DPYS: variants seen among roughly 807,000 people sequenced by gnomAD.
DPYS encodes dihydropyrimidinase.
In DPYS, 39 loss-of-function variants were observed where a neutral mutation model predicts 50.3. That is an observed-to-expected ratio of 0.78 (90% CI 0.60 to 1.01). The LOEUF (loss-of-function observed/expected upper bound fraction) is 1.01. Ranked by LOEUF, DPYS falls within the 50% of genes least tolerant of loss-of-function variation. DPYS has a pLI of 0.00. For missense variants in DPYS, 659 were observed against 680.9 expected (o/e 0.97, Z 0.36); for synonymous variants, 245 against 250.7 (o/e 0.98, Z 0.22).
chr8:104,461,851 A>C (rs1814183917), intron 1 of DPYS, among the ~76,000 whole-genome samples: 1 of 152,154 alleles, frequency 6.6e-6, no homozygotes. Context: ...CACATTCTCC[A>C]GTGGTATTTA....
At chr8:104,401,202 T>A (rs1811793177) in intron 7 of DPYS, among the ~76,000 whole-genome samples, 1 of 152,188 alleles carries the variant, frequency 6.6e-6, no homozygotes, top group Non-Finnish European at 1.5e-5. Flanking sequence ...TTTAAAAATA[T>A]ACCTCATCTC....
At chr8:104,422,837 G>A (rs562639097) in intron 7 of DPYS, among the ~76,000 whole-genome samples, 190 of 152,284 alleles carry the variant, frequency 1.2e-3, no homozygotes, top group South Asian at 2.7e-3. Flanking sequence ...GCAGGCCCCT[G>A]CTGGGTGTAC....
intron 6 of DPYS, among the ~76,000 whole-genome samples, chr8:104,424,851 A>G (rs925738953): frequency 5.3e-4 from 78 of 146,518 alleles, no homozygotes; most frequent in Middle Eastern, 3.5e-3. Flanking sequence ...TTTGAGATGG[A>G]ATTTCACTCT....
intron 7 of DPYS, among the ~76,000 whole-genome samples, chr8:104,415,622 A>G (rs538874728): frequency 1.3e-5 from 2 of 152,220 alleles, no homozygotes; most frequent in South Asian, 4.2e-4. Flanking sequence ...GAAGGCCACA[A>G]AATGAATCTT....
At chr8:104,458,110 C>T (rs765392858) in intron 1 of DPYS, among the ~76,000 whole-genome samples, 4 of 152,102 alleles carry the variant, frequency 2.6e-5, no homozygotes, top group Non-Finnish European at 2.9e-5. Flanking sequence ...TGTGAGCAAC[C>T]GGAGTTCAGT....
chr8:104,411,426 G>A (rs756635903), intron 7 of DPYS, among the ~76,000 whole-genome samples: 2 of 152,188 alleles, frequency 1.3e-5, no homozygotes, highest in Non-Finnish European at 2.9e-5. Flanking sequence ...TGCCTGGTAG[G>A]AGGACAGAAC....
rs1446716511 is a variant in DPYS at position 104,379,796 on chromosome 8, G to A, written c.*62C>T. 1 of 456,602 alleles carries A rather than the reference G, an allele frequency of 2.2e-6. No individual in the cohort carries two copies. The highest frequency in any genetic ancestry group is 4.4e-6 in the Non-Finnish European group (1 of 226,952). The allele number at this position is 456,602 out of a possible 1,614,324, so 28.3% of individuals were successfully genotyped here. A position where few individuals can be genotyped will look rare whatever the true frequency, so the allele number is the denominator to read the frequency against. ...GCCTGCTTCTCCATGGGTTGACAAT[G>A]TTTGGCTGTGAAGGGAATGGCAGCC... On this transcript the variant is annotated 3_prime_UTR_variant, in exon 10 of 10. Transcript: ENST00000351513.
chr8:104,386,476 T>C (rs1448467922), intron 8 of DPYS, among the ~76,000 whole-genome samples: 3 of 150,348 alleles, frequency 2.0e-5, no homozygotes, highest in Non-Finnish European at 4.4e-5. Context: ...GAGGTTGCAG[T>C]GAGCCAAGAT....
chr8:104,447,188 G>A (rs964873926), intron 3 of DPYS, 136 bp downstream of exon 3: 4 of 1,167,500 alleles, frequency 3.4e-6, no homozygotes, highest in Admixed American at 2.1e-5. Context: ...ATCCGTTTCC[G>A]AGCCACGGAA....
At chr8:104,428,184 C>T in intron 5 of DPYS, 63 bp from the exon 6 acceptor site, 1 of 1,600,522 alleles carries the variant, frequency 6.2e-7, no homozygotes, top group South Asian at 1.1e-5. Context: ...GAGGAAACTG[C>T]CATAACCTTT....
At chr8:104,385,605 G>A (rs2140505423) in intron 8 of DPYS, among the ~76,000 whole-genome samples, 1 of 152,302 alleles carries the variant, frequency 6.6e-6, no homozygotes, top group African/African-American at 2.4e-5. Context: ...GCTGTGGTTT[G>A]AATGTTTGTC....
At position 104,465,862 on chromosome 8, in the gene DPYS, G is replaced by C. The variant is rs537519023; in HGVS notation, c.264+795C>G. ...AAACCCAAGCCTACCTTCACCTGGG[G>C]AGTGGTGATCTGATTACCCTCCTGC... On this transcript the variant is annotated intron_variant, in intron 1 of 9. Coordinates refer to ENST00000351513, the MANE Select transcript of DPYS (RefSeq NM_001385.3). 4.6e-5 allele frequency among the ~76,000 whole-genome samples: 7 copies of C among 152,216 alleles called. No homozygotes were observed. In the South Asian group the frequency reaches 1.5e-3, roughly 32 times the overall value.
chr8:104,406,816 T>C (rs948846413), intron 7 of DPYS, among the ~76,000 whole-genome samples: 6 of 152,180 alleles, frequency 3.9e-5, no homozygotes, highest in Non-Finnish European at 7.4e-5. Flanking sequence ...CACATATGCA[T>C]ATGTATAAAC....
chr8:104,381,587 A>G (rs1412571174), intron 8 of DPYS, among the ~76,000 whole-genome samples: 1 of 152,060 alleles, frequency 6.6e-6, no homozygotes, highest in East Asian at 1.9e-4. Context: ...GAGTCCCACA[A>G]CTGTCTCCTG....
At chr8:104,461,778 T>C (rs1055606465) in intron 1 of DPYS, among the ~76,000 whole-genome samples, 1 of 152,046 alleles carries the variant, frequency 6.6e-6, no homozygotes, top group Non-Finnish European at 1.5e-5. Flanking sequence ...ATATGCAGGC[T>C]GGAGAGAGAG....
In DPYS at chr8:104,392,844, C is replaced by T; in HGVS notation, c.1383G>A (p.Lys461=). 6.2e-7 allele frequency: 1 copy of T among 1,614,196 alleles called. No individual in the cohort carries two copies. The highest frequency in any genetic ancestry group is 8.5e-7 in the Non-Finnish European group (1 of 1,180,034). The stretch of plus-strand genomic sequence containing the variant: ...CAGCAAATGGTTTTCGAGGAATAAA[C>T]TTCCCATCTCCTGCCGTGACACTGA... ...GVFSVTAGDG[K]FIPRKPFAEY... The change falls in exon 8 of 10, where the codon AAG becomes AAA. Residue 461 remains lysine, a synonymous_variant. Coordinates refer to ENST00000351513, the MANE Select transcript of DPYS (RefSeq NM_001385.3).
intron 5 of DPYS, 40 bp downstream of exon 5, chr8:104,429,504 CT>C (rs750145616): frequency 1.2e-6 from 2 of 1,613,510 alleles, no homozygotes; most frequent in South Asian, 2.2e-5. Context: ...CCCAAACCTT[CT>C]TTTGGCAATA....
rs533803158 is a variant in DPYS at position 104,451,287 on chromosome 8, C to T, written c.382G>A (p.Asp128Asn). The T allele has an allele frequency of 5.6e-6, 9 of 1,614,060 alleles. No homozygotes were observed. The highest frequency in any genetic ancestry group is 1.3e-5 in the African/African-American group (1 of 75,024). The change falls in exon 2 of 10, where the codon GAC becomes AAC. Residue 128 changes from aspartate to asparagine, a missense_variant. Physicochemically the swap from Asp to Asn is conservative, Grantham distance 23. Coordinates refer to ENST00000351513, the MANE Select transcript of DPYS (RefSeq NM_001385.3). The stretch of plus-strand genomic sequence containing the variant: ...GTCACTGCCACATGAAGGCTGTAGT[C>T]GCAGCAAACTTTGGGATCAGCCCAG... ...RSWADPKVCC[D>N]YSLHVAVTWW...
chr8:104,466,812 G>A lies in DPYS; in HGVS notation c.109C>T (p.His37Tyr). 2 of 1,533,802 alleles carry A rather than the reference G, an allele frequency of 1.3e-6. No homozygotes were observed. Among genetic ancestry groups the A allele is most frequent in the Non-Finnish European group, 1.7e-6 (2 of 1,145,584 alleles). Residue 37 changes from histidine (H) to tyrosine (Y), a missense_variant, in exon 1 of 10, where the codon CAC becomes TAC. By Grantham distance (83) the His-to-Tyr change is moderately conservative. Coordinates refer to ENST00000351513, the MANE Select transcript of DPYS (RefSeq NM_001385.3). Reference protein sequence around the residue: ...VEDGVVRALGHDLLPPGGAPA... With the variant: ...VEDGVVRALGYDLLPPGGAPA... ...GCGCCCCCGGGAGGCAGCAGGTCGTGCCCGAGTGCCCGCACCACGCCGTCC... is the reference window on the plus strand; with the variant it reads ...GCGCCCCCGGGAGGCAGCAGGTCGTACCCGAGTGCCCGCACCACGCCGTCC...
Sources: gnomAD v4.1 joint callset for allele counts (sites outside exome capture counted in the v4.1 genomes callset) on GRCh38, gnomAD v4.1.1 for gene constraint, MANE v1.5 for transcripts, NCBI Gene and HGNC (gene_info 2026-07-23, HGNC 2026-07-21) for gene names.